MFSD1: variants seen among roughly 807,000 people sequenced by gnomAD.
MFSD1 encodes the protein lysosomal dipeptide transporter MFSD1.
MFSD1 carries 59 observed loss-of-function variants against 67.1 expected under a neutral mutation model. The observed-to-expected ratio is 0.88, with a 90% CI of 0.71 to 1.09. The LOEUF is 1.09. Among genes scored for constraint, MFSD1 ranks in the 50% least tolerant of loss-of-function variants. MFSD1 has a pLI of 0.00. For missense variants in MFSD1, 552 were observed against 566.1 expected (o/e 0.97, Z 0.25); for synonymous variants, 213 against 200.3 (o/e 1.06, Z -0.54).
At chr3:158,815,682 T>A (rs961937870) in intron 7 of MFSD1, among the ~76,000 whole-genome samples, 5 of 151,926 alleles carry the variant, frequency 3.3e-5, no homozygotes, top group African/African-American at 1.2e-4. Flanking sequence ...CTTTAAGTTT[T>A]AGGGTACATG....
intron 7 of MFSD1, among the ~76,000 whole-genome samples, chr3:158,819,222 G>C (rs1026955210): frequency 7.2e-5 from 11 of 152,146 alleles, no homozygotes; most frequent in African/African-American, 2.7e-4. Context: ...GTGGACTCTG[G>C]GAAAACATCG....
chr3:158,823,207 A>G, intron 11 of MFSD1: 1 of 503,752 alleles, frequency 2.0e-6, no homozygotes, highest in South Asian at 2.6e-5. Context: ...ATGATGACAA[A>G]TGAAAATGGT....
At position 158,816,346 on chromosome 3, in the gene MFSD1, G is replaced by C. The variant is rs1363110914; in HGVS notation, c.652+2279G>C. 3.4e-3 allele frequency among the ~76,000 whole-genome samples: 511 copies of C among 152,194 alleles called. 2 individuals are homozygous for C. Among genetic ancestry groups the C allele is most frequent in the African/African-American group, 0.011 (477 of 41,518 alleles). ...TCCTGACTTTTTAATGATCGCCATTGTAACTGGTGTGAGATGGTATCTCAT... is the reference window on the plus strand; with the variant it reads ...TCCTGACTTTTTAATGATCGCCATTCTAACTGGTGTGAGATGGTATCTCAT... On this transcript the variant is annotated intron_variant, in intron 7 of 15. Coordinates refer to ENST00000415822, the MANE Select transcript of MFSD1 (RefSeq NM_022736.4).
At chr3:158,810,026 C>CGTTT (rs919254769) in intron 6 of MFSD1, among the ~76,000 whole-genome samples, 15 of 152,032 alleles carry the variant, frequency 9.9e-5, no homozygotes, top group Admixed American at 5.9e-4. Context: ...TTATGGGTTT[C>CGTTT]GTTTGTTTGT....
chr3:158,802,896 G>T (rs563942989), intron 1 of MFSD1, among the ~76,000 whole-genome samples: 4 of 152,096 alleles, frequency 2.6e-5, no homozygotes, highest in African/African-American at 9.7e-5. Context: ...TAGACACAGG[G>T]TCTTACAATG....
rs770524137 is a variant in MFSD1 at position 158,821,634 on chromosome 3, G to A, written c.901G>A (p.Ala301Thr). ...AGAGAAATTTGGATTTTCTTCCCAG[G>A]CAGCAAGTGCAATTAACAGGTATTT... ...FTEKFGFSSQ[A>T]ASAINSVVYV... is the part of the protein sequence containing the mutation. Residue 301 changes from alanine to threonine, a missense_variant, in exon 10 of 16, where the codon GCA (alanine) becomes ACA (threonine). Ala to Thr is a moderately conservative substitution (Grantham distance 58, BLOSUM62 0). Transcript: ENST00000415822. 6 of 1,609,356 alleles carry A rather than the reference G, an allele frequency of 3.7e-6. No homozygotes were observed. In the African/African-American group the frequency reaches 4.0e-5, roughly 11 times the overall value.
intron 7 of MFSD1, among the ~76,000 whole-genome samples, chr3:158,815,356 C>CT (rs58754327): frequency 0.62 from 83,062 of 134,160 alleles, 25,637 homozygotes; most frequent in East Asian, 0.67. Flanking sequence ...CTTGTAGTGT[C>CT]TTTTTTTTTT....
chr3:158,819,025 A>G (rs1263889272), intron 7 of MFSD1, among the ~76,000 whole-genome samples: 1 of 152,174 alleles, frequency 6.6e-6, no homozygotes, highest in Non-Finnish European at 1.5e-5. Context: ...AGATTCATTT[A>G]TTTTATTAAG....
At chr3:158,808,292 C>T (rs1729826362) in intron 5 of MFSD1, among the ~76,000 whole-genome samples, 1 of 152,116 alleles carries the variant, frequency 6.6e-6, no homozygotes, top group Non-Finnish European at 1.5e-5. Context: ...TCTTATTTGT[C>T]TTAAGACTGT....
chr3:158,815,817 C>A (rs1368944466), intron 7 of MFSD1, among the ~76,000 whole-genome samples: 3 of 150,054 alleles, frequency 2.0e-5, no homozygotes, highest in East Asian at 2.0e-4. Context: ...CCCCACCCCA[C>A]AACAGTCCCC....
intron 7 of MFSD1, among the ~76,000 whole-genome samples, chr3:158,817,213 A>G (rs531017342): frequency 1.3e-3 from 202 of 151,976 alleles, no homozygotes; most frequent in African/African-American, 4.6e-3. Flanking sequence ...CTCTCTCACC[A>G]CTCCTATTCA....
At chr3:158,808,631 T>C (rs867747429) in intron 5 of MFSD1, among the ~76,000 whole-genome samples, 10 of 152,174 alleles carry the variant, frequency 6.6e-5, no homozygotes, top group Non-Finnish European at 4.4e-5. Flanking sequence ...TTGCAGTATA[T>C]CATGTGACTC....
chr3:158,809,401 C>T, intron 6 of MFSD1, 114 bp downstream of exon 6: 1 of 669,472 alleles, frequency 1.5e-6, no homozygotes, highest in Non-Finnish European at 2.5e-6. Flanking sequence ...TAGATATTAA[C>T]TTTTATGGAT....
Position 158,807,050 on chromosome 3 carries a change from A to G in MFSD1, c.340A>G (p.Ile114Val). The change falls in exon 4 of 16, where the codon ATC becomes GTC. Residue 114 changes from isoleucine to valine, a missense_variant. Physicochemically the swap from Ile to Val is conservative, Grantham distance 29 (BLOSUM62 3). Coordinates refer to ENST00000415822, the MANE Select transcript of MFSD1 (RefSeq NM_022736.4). ...DRVFGIRWGT[I>V]IFSCFVCIGQ... ...TTCTTTCCCAAACAGATGGGGCACA[A>G]TCATTTTTAGCTGCTTTGTTTGCAT... The G allele has an allele frequency of 4.3e-6, 7 of 1,611,666 alleles. No individual in the cohort carries two copies. Among genetic ancestry groups the G allele is most frequent in the Non-Finnish European group, 5.1e-6 (6 of 1,178,890 alleles).
intron 5 of MFSD1, among the ~76,000 whole-genome samples, chr3:158,808,253 A>C (rs1559915960): frequency 6.6e-6 from 1 of 152,234 alleles, no homozygotes; most frequent in Non-Finnish European, 1.5e-5. Flanking sequence ...TTTTTGGGCT[A>C]GGACAGAGTC....
chr3:158,805,226 T>C (rs931169378), intron 2 of MFSD1, 136 bp from the exon 3 acceptor site: 2 of 716,642 alleles, frequency 2.8e-6, no homozygotes, highest in Non-Finnish European at 4.9e-6. Context: ...GTGAGACTTA[T>C]AAATGGTTAA....
intron 2 of MFSD1, among the ~76,000 whole-genome samples, chr3:158,804,863 T>C (rs777738288): frequency 1.3e-5 from 2 of 152,224 alleles, no homozygotes; most frequent in Non-Finnish European, 2.9e-5. Context: ...ATTTAGTCTC[T>C]TTTCTTTGTA....
intron 7 of MFSD1, among the ~76,000 whole-genome samples, chr3:158,818,391 A>G (rs1273544808): frequency 6.6e-6 from 1 of 151,890 alleles, no homozygotes; most frequent in Admixed American, 6.6e-5. Flanking sequence ...GCTATTTTTT[A>G]ATGTATAATC....
chr3:158,804,690 T>A (rs1004969727), intron 2 of MFSD1, among the ~76,000 whole-genome samples: 1 of 152,224 alleles, frequency 6.6e-6, no homozygotes, highest in East Asian at 1.9e-4. Flanking sequence ...GTCACCCGAA[T>A]GACAAATGAT....
Sources: gnomAD v4.1 joint callset for allele counts (sites outside exome capture counted in the v4.1 genomes callset) on GRCh38, gnomAD v4.1.1 for gene constraint, MANE v1.5 for transcripts, NCBI Gene and HGNC (gene_info 2026-07-23, HGNC 2026-07-21) for gene names.